The following IFITM10 variants were observed in gnomAD, a reference collection of about 807,000 sequenced individuals.
The protein encoded by IFITM10 is interferon-induced transmembrane protein 10.
In IFITM10, 17 loss-of-function variants were observed where a neutral mutation model predicts 19.0. The observed-to-expected ratio is 0.90, with a 90% confidence interval of 0.61 to 1.34. The LOEUF is 1.34. Ranked by LOEUF, IFITM10 falls within the 40% of genes most tolerant of loss-of-function variation. IFITM10 has a pLI of 0.00. For synonymous variants in IFITM10, 148 were observed against 147.2 expected, an observed-to-expected ratio of 1.01 and a Z score of -0.04; for missense variants, 306 against 319.8, an observed-to-expected ratio of 0.96 and a Z score of 0.33.
chr11:1,736,874 G>GAGGGA (rs1388922862), intron 2 of IFITM10, among the ~76,000 whole-genome samples: 3 of 151,982 alleles, frequency 2.0e-5, no homozygotes, highest in Non-Finnish European at 4.4e-5. Flanking sequence ...AAAAGTTGGA[G>GAGGGA]AGGGAAGGGA....
rs1851066477 is a variant in IFITM10, at chr11:1,734,847, T to G, written c.*433A>C. On this transcript the variant is annotated 3_prime_UTR_variant, in exon 3 of 3. Coordinates refer to ENST00000340134, the MANE Select transcript of IFITM10 (RefSeq NM_001170820.4). ...TGAAAGTTCACAGACACAAGGGCTC[T>G]GAGCGGGGTCACATCGTGGAGGAGG... 1 of 171,034 alleles carries G rather than the reference T, an allele frequency of 5.8e-6. No individual in the cohort carries two copies. The highest frequency in any genetic ancestry group is 1.2e-5 in the Non-Finnish European group (1 of 80,878). The allele number at this position is 171,034 out of a possible 1,614,324, so 10.6% of individuals were successfully genotyped here. A position where few individuals can be genotyped will look rare whatever the true frequency, so the allele number is the denominator to read the frequency against.
At chr11:1,745,640 GCACA>G (rs890283804) in intron 2 of IFITM10, 1 of 151,778 alleles carries the variant, frequency 6.6e-6, no homozygotes, top group African/African-American at 2.4e-5. Flanking sequence ...ACACACTTGT[GCACA>G]CACATTTACA....
In IFITM10 at chr11:1,733,545, C is replaced by T. The variant is rs1486676078; in HGVS notation, c.*1735G>A. Reference sequence around the variant, plus strand: ...CTTGCTCGCTGCACTCCTGCCACGGCTGTGCCCTGTCCCCTGCGTTTGTCC... The same window carrying T: ...CTTGCTCGCTGCACTCCTGCCACGGTTGTGCCCTGTCCCCTGCGTTTGTCC... On this transcript the variant is annotated 3_prime_UTR_variant, in exon 3 of 3. Coordinates refer to ENST00000340134, the MANE Select transcript of IFITM10 (RefSeq NM_001170820.4). This position sits in a 1 kb window ranked among gnomAD's most constrained non-coding sequence, Gnocchi z 6.3. 3 of 152,732 alleles carry T rather than the reference C, an allele frequency of 2.0e-5. No homozygotes were observed. Among genetic ancestry groups the T allele is most frequent in the Non-Finnish European group, 4.4e-5 (3 of 68,394 alleles). The allele number at this position is 152,732 out of a possible 1,614,324, so 9.5% of individuals were successfully genotyped here. A position where few individuals can be genotyped will look rare whatever the true frequency, so the allele number is the denominator to read the frequency against.
chr11:1,734,957 C>T lies in IFITM10; in HGVS notation c.*323G>A, dbSNP rs1015672919. ...CCTGCTAGGTGTCAGGTCCAAGGGG[C>T]CCCAGGAGCCTGGGAAGGGGCACGT... On this transcript the variant is annotated 3_prime_UTR_variant, in exon 3 of 3. Coordinates refer to ENST00000340134, the MANE Select transcript of IFITM10 (RefSeq NM_001170820.4). 3 of 371,800 alleles carry T rather than the reference C, an allele frequency of 8.1e-6. No homozygotes were observed. Among genetic ancestry groups the T allele is most frequent in the Non-Finnish European group, 1.5e-5 (3 of 205,088 alleles). The allele number at this position is 371,800 out of a possible 1,614,324, so 23.0% of individuals were successfully genotyped here.
intron 2 of IFITM10, among the ~76,000 whole-genome samples, chr11:1,740,727 A>G (rs1420015379): frequency 1.3e-5 from 2 of 152,216 alleles, no homozygotes; most frequent in African/African-American, 4.8e-5. Flanking sequence ...CGGCAAAAAG[A>G]TGGTATTTAA....
intron 2 of IFITM10, 121 bp from the exon 3 acceptor site, chr11:1,735,550 A>T: frequency 1.1e-6 from 1 of 883,816 alleles, no homozygotes; most frequent in Non-Finnish European, 1.7e-6. Context: ...TTTGTTTCCG[A>T]GAGCTGACGA....
At chr11:1,746,553 T>C in intron 2 of IFITM10, 1 of 398,576 alleles carries the variant, frequency 2.5e-6, no homozygotes, top group Non-Finnish European at 4.4e-6. Context: ...CCCGTGCCAG[T>C]GGGCAACGCC....
intron 1 of IFITM10, 27 bp from the exon 2 acceptor site, chr11:1,748,146 T>C: frequency 7.5e-7 from 1 of 1,329,832 alleles, no homozygotes; most frequent in South Asian, 2.1e-5. Flanking sequence ...GAGAGCAAGC[T>C]GGGCCCGGCC....
intron 2 of IFITM10, among the ~76,000 whole-genome samples, chr11:1,742,278 C>T (rs1166105510): frequency 9.2e-5 from 14 of 151,474 alleles, no homozygotes; most frequent in Middle Eastern, 3.4e-3. Flanking sequence ...TAGTAAAGCA[C>T]GTAGGCGGAT....
At chr11:1,739,777 G>T (rs899108438) in intron 2 of IFITM10, among the ~76,000 whole-genome samples, 1 of 152,088 alleles carries the variant, frequency 6.6e-6, no homozygotes, top group Non-Finnish European at 1.5e-5. Context: ...TCATCTGCAG[G>T]GAGGCATGTC....
intron 2 of IFITM10, among the ~76,000 whole-genome samples, chr11:1,742,405 G>A (rs928242171): frequency 6.6e-5 from 10 of 152,162 alleles, no homozygotes; most frequent in African/African-American, 1.7e-4. Context: ...ATGCATGAGC[G>A]GTTAGAGACA....
chr11:1,737,047 T>C (rs894625992), intron 2 of IFITM10, among the ~76,000 whole-genome samples: 2 of 152,214 alleles, frequency 1.3e-5, no homozygotes, highest in African/African-American at 2.4e-5. Context: ...CGGGTTCTTA[T>C]GCTAGTGGTT....
rs1378694251 is a variant in IFITM10, at chr11:1,733,352, C to T, written c.*1928G>A. 5 of 152,130 alleles carry T rather than the reference C, an allele frequency of 3.3e-5. No individual in the cohort carries two copies. Among genetic ancestry groups the T allele is most frequent in the Admixed American group, 6.6e-5 (1 of 15,260 alleles). The allele number at this position is 152,130 out of a possible 1,614,324, so 9.4% of individuals were successfully genotyped here. A position where few individuals can be genotyped will look rare whatever the true frequency, so the allele number is the denominator to read the frequency against. On this transcript the variant is annotated 3_prime_UTR_variant, in exon 3 of 3. Transcript: ENST00000340134. The surrounding 1 kb of genome is among the most constrained non-coding windows in gnomAD (Gnocchi z 6.3). ...ATGGTCCCCACCCTGTCCCCTCTCT[C>T]GACTCTGACCCCCAAGCCCTCCCAT...
intron 1 of IFITM10, chr11:1,748,601 CCACCGCGGGCTG>C (rs201488097): frequency 0.062 from 9,641 of 154,292 alleles, 367 homozygotes; most frequent in Middle Eastern, 0.095. Flanking sequence ...GCCACGGGCT[CCACCGCGGGCTG>C]CACCGCGGGC....
At chr11:1,742,795 G>T (rs1845584063) in intron 2 of IFITM10, among the ~76,000 whole-genome samples, 2 of 152,190 alleles carry the variant, frequency 1.3e-5, no homozygotes, top group Admixed American at 6.5e-5. Flanking sequence ...TGGATGGAAG[G>T]TTGGGTGGCT....
rs534279664 is a variant in IFITM10, at chr11:1,747,975, C to T, written c.229G>A (p.Val77Met). 27 of 1,454,894 alleles carry T rather than the reference C, an allele frequency of 1.9e-5. No individual in the cohort carries two copies. In the African/African-American group the frequency reaches 3.1e-4, roughly 17 times the overall value. The allele number at this position is 1,454,894 out of a possible 1,614,324, so 90.1% of individuals were successfully genotyped here. A position where few individuals can be genotyped will look rare whatever the true frequency, so the allele number is the denominator to read the frequency against. The change falls in exon 2 of 3, where the codon GTG becomes ATG. Residue 77 changes from valine (V) to methionine (M), a missense_variant. Val to Met is a conservative substitution (Grantham distance 21, BLOSUM62 1). Transcript: ENST00000340134. ...AGSPKGCFAC[V>M]SKPPALQAPA... ...GCCTGCAGGGCAGGGGGCTTGGACA[C>T]GCAAGCGAAGCAGCCCTTGGGCGAA...
chr11:1,750,498 T>C lies in IFITM10; in HGVS notation c.-56A>G. 2.6e-6 allele frequency: 4 copies of C among 1,547,254 alleles called. No homozygotes were observed. Among genetic ancestry groups the C allele is most frequent in the Non-Finnish European group, 3.5e-6 (4 of 1,144,774 alleles). Reference sequence around the variant, plus strand: ...TCCTTTCTCCTCTGCCACTCTCAACTGGCCTCCTGTGTCTCCGCAACCCTC... The same window carrying C: ...TCCTTTCTCCTCTGCCACTCTCAACCGGCCTCCTGTGTCTCCGCAACCCTC... On this transcript the variant is annotated 5_prime_UTR_variant, in exon 1 of 3. Coordinates refer to ENST00000340134, the MANE Select transcript of IFITM10 (RefSeq NM_001170820.4).
chr11:1,739,816 C>T (rs1369256226), intron 2 of IFITM10, among the ~76,000 whole-genome samples: 2 of 152,100 alleles, frequency 1.3e-5, no homozygotes, highest in East Asian at 3.9e-4. Context: ...CTGTGCAGGG[C>T]CCGGTGCTTC....
intron 1 of IFITM10, chr11:1,749,050 T>A: frequency 8.9e-7 from 1 of 1,127,768 alleles, no homozygotes; most frequent in Non-Finnish European, 1.1e-6. Context: ...CCGGACCCCC[T>A]GAGCCTCGGT....
Sources: gnomAD v4.1 joint callset for allele counts (sites outside exome capture counted in the v4.1 genomes callset) on GRCh38, gnomAD v4.1.1 for gene constraint, Gnocchi (gnomAD v3.1) non-coding constraint, MANE v1.5 for transcripts, NCBI Gene and HGNC (gene_info 2026-07-23, HGNC 2026-07-21) for gene names.